The following FOXP2 variants were observed in gnomAD, a reference collection of about 807,000 sequenced individuals.
FOXP2 encodes forkhead box P2, also known as forkhead box protein P2.
A neutral mutation model predicts 115.8 loss-of-function variants in FOXP2; 12 were observed. The observed-to-expected ratio is 0.10, with a 90% CI of 0.07 to 0.17. The LOEUF is 0.17. FOXP2 is among the 10% of genes least tolerant of loss of function. The probability of loss-of-function intolerance (pLI) is 1.00; values close to 1 mark genes in which losing one functional copy is unlikely to be tolerated. For missense variants in FOXP2, 629 were observed against 843.5 expected (o/e 0.75, Z 3.15); for synonymous variants, 328 against 297.7 (o/e 1.10, Z -1.05).
intron 8 of FOXP2, chr7:114,645,792 G>T (rs1360668482): frequency 6.6e-6 from 1 of 152,072 alleles, no homozygotes; most frequent in African/African-American, 2.4e-5. Context: ...TAACAACCAG[G>T]CACAAGTACT....
chr7:114,566,915 C>T (rs978089973), intron 3 of FOXP2, among the ~76,000 whole-genome samples: 3 of 151,806 alleles, frequency 2.0e-5, no homozygotes, highest in Non-Finnish European at 4.4e-5. Flanking sequence ...ATGAAAATTA[C>T]ACTTCATCAA....
chr7:114,600,141 A>G (rs1315215819), intron 3 of FOXP2, among the ~76,000 whole-genome samples: 3 of 152,146 alleles, frequency 2.0e-5, no homozygotes, highest in Admixed American at 2.0e-4. Flanking sequence ...AGTTAGTTTC[A>G]CTGCCCTAAA....
intron 1 of FOXP2, among the ~76,000 whole-genome samples, chr7:114,248,895 G>A (rs1795359330): frequency 6.6e-6 from 1 of 152,056 alleles, no homozygotes; most frequent in Non-Finnish European, 1.5e-5. Context: ...ACCACAGAAG[G>A]GCTAAGTGTT....
At chr7:114,624,062 CA>C (rs1187627073) in intron 3 of FOXP2, among the ~76,000 whole-genome samples, 1 of 151,752 alleles carries the variant, frequency 6.6e-6, no homozygotes, top group Non-Finnish European at 1.5e-5. Flanking sequence ...CACATGTAAC[CA>C]AGGCTTGAAT....
intron 2 of FOXP2, among the ~76,000 whole-genome samples, chr7:114,374,863 G>A (rs535444772): frequency 1.3e-5 from 2 of 152,242 alleles, no homozygotes; most frequent in South Asian, 4.1e-4. Flanking sequence ...CAAATGCATA[G>A]AACTGGCAGC....
intron 8 of FOXP2, 31 bp from the exon 9 acceptor site, chr7:114,652,172 A>T (rs1420719940): frequency 3.1e-6 from 5 of 1,604,996 alleles, no homozygotes; most frequent in Non-Finnish European, 4.3e-6. Context: ...ACATCACTTT[A>T]CATTCTGTTT....
At chr7:114,104,978 C>T (rs976975708) in intron 1 of FOXP2, among the ~76,000 whole-genome samples, 5 of 151,810 alleles carry the variant, frequency 3.3e-5, no homozygotes, top group Non-Finnish European at 7.4e-5. Context: ...ATGCCAACTC[C>T]CATGGACGTC....
At chr7:114,518,902 T>C (rs984796081) in intron 2 of FOXP2, among the ~76,000 whole-genome samples, 6 of 152,192 alleles carry the variant, frequency 3.9e-5, no homozygotes, top group Non-Finnish European at 8.8e-5. Context: ...ATGACAGGAA[T>C]TGAAAATATC....
chr7:114,096,132 C>T (rs574961072), intron 1 of FOXP2, among the ~76,000 whole-genome samples: 3 of 152,214 alleles, frequency 2.0e-5, no homozygotes, highest in Admixed American at 1.3e-4. Context: ...TGTGCGAAGG[C>T]GACTTTCTTT....
intron 2 of FOXP2, among the ~76,000 whole-genome samples, chr7:114,289,829 G>A (rs980360183): frequency 2.0e-5 from 3 of 151,848 alleles, no homozygotes; most frequent in Non-Finnish European, 4.4e-5. Context: ...TAATGCCAAA[G>A]GTTCATCCTA....
chr7:114,590,170 C>T (rs1048351076), intron 3 of FOXP2, among the ~76,000 whole-genome samples: 1 of 152,124 alleles, frequency 6.6e-6, no homozygotes, highest in Non-Finnish European at 1.5e-5. Flanking sequence ...AAGTTTAGAG[C>T]ACAAATTTTG....
At chr7:114,191,771 T>C (rs1252079315) in intron 1 of FOXP2, among the ~76,000 whole-genome samples, 1 of 152,186 alleles carries the variant, frequency 6.6e-6, no homozygotes, top group East Asian at 1.9e-4. Context: ...GATACAGTAT[T>C]ATTAGCCAAA....
At chr7:114,252,911 C>T (rs1795491295) in intron 1 of FOXP2, among the ~76,000 whole-genome samples, 1 of 152,152 alleles carries the variant, frequency 6.6e-6, no homozygotes, top group South Asian at 2.1e-4. Flanking sequence ...ATCTTTCCTG[C>T]TTTCTCTTGT....
intron 1 of FOXP2, among the ~76,000 whole-genome samples, chr7:114,234,330 T>A (rs1194679684): frequency 1.3e-5 from 2 of 152,208 alleles, no homozygotes; most frequent in Non-Finnish European, 2.9e-5. Flanking sequence ...GTTAGGTTTA[T>A]CTCAATGCAG....
chr7:114,409,234 GA>G (rs1793108606), intron 2 of FOXP2, among the ~76,000 whole-genome samples: 2 of 151,994 alleles, frequency 1.3e-5, no homozygotes, highest in South Asian at 4.1e-4. Context: ...TTTCTCATTT[GA>G]AATCTGTAGT....
At chr7:114,142,626 T>C (rs1792249902) in intron 1 of FOXP2, among the ~76,000 whole-genome samples, 1 of 152,158 alleles carries the variant, frequency 6.6e-6, no homozygotes, top group African/African-American at 2.4e-5. Flanking sequence ...AAGGAATTGG[T>C]TGGCATTTGC....
chr7:114,602,528 T>C (rs1467117465), intron 3 of FOXP2, among the ~76,000 whole-genome samples: 3 of 152,066 alleles, frequency 2.0e-5, no homozygotes, highest in African/African-American at 7.2e-5. Flanking sequence ...AAGGAAGGAA[T>C]ATTTGCTACA....
intron 2 of FOXP2, among the ~76,000 whole-genome samples, chr7:114,441,857 T>C (rs1794621230): frequency 6.6e-6 from 1 of 152,136 alleles, no homozygotes; most frequent in South Asian, 2.1e-4. Context: ...AGACAGGCAA[T>C]AACAAGTGTT....
chr7:114,345,064 A>C (rs924815155), intron 2 of FOXP2, among the ~76,000 whole-genome samples: 4 of 151,870 alleles, frequency 2.6e-5, no homozygotes, highest in African/African-American at 9.7e-5. Flanking sequence ...TGTTGTGACA[A>C]GAAATATAAA....
Sources: allele counts gnomAD v4.1 joint callset (sites outside exome capture counted in the v4.1 genomes callset), GRCh38; gene constraint gnomAD v4.1.1; transcripts MANE v1.5; gene names NCBI Gene and HGNC (gene_info 2026-07-23, HGNC 2026-07-21).